SLA: variants seen among roughly 807,000 people sequenced by gnomAD.
SLA encodes the protein Src like adaptor.
A neutral mutation model predicts 30.3 loss-of-function variants in SLA; 16 were observed. That is an observed-to-expected ratio of 0.53 (90% CI 0.36 to 0.80). The LOEUF is 0.80. Ranked by LOEUF, SLA falls within the 30% of genes least tolerant of loss-of-function variation. The pLI, the probability that SLA is intolerant of heterozygous loss-of-function variation, is 0.01. For missense variants in SLA, 310 were observed against 345.2 expected (o/e 0.90, Z 0.81); for synonymous variants, 143 against 137.8 (o/e 1.04, Z -0.26).
intron 1 of SLA, among the ~76,000 whole-genome samples, chr8:133,081,658 C>G (rs898824444): frequency 6.6e-6 from 1 of 152,202 alleles, no homozygotes; most frequent in African/African-American, 2.4e-5. Context: ...TATGTTGATT[C>G]GTTCAAGCTG....
rs192475029 is a variant in SLA, at chr8:133,088,949, A to G, written c.-319+13604T>C. Among the ~76,000 whole-genome samples, 7 of 152,368 alleles carry G rather than the reference A, an allele frequency of 4.6e-5. No individual in the cohort carries two copies. In the East Asian group the frequency reaches 1.3e-3, roughly 29 times the overall value. On this transcript the variant is annotated intron_variant, in intron 1 of 8. Transcript: ENST00000338087. ...AAATATAAACTTGGATGTTTAAAAA[A>G]AGTCCATCTGTGCTTTAGCTTCCAG...
intron 7 of SLA, 40 bp downstream of exon 7, chr8:133,044,944 G>T (rs368065673): frequency 1.2e-6 from 2 of 1,609,844 alleles, no homozygotes; most frequent in Admixed American, 1.7e-5. Flanking sequence ...GCTAAGAGGG[G>T]TCCCACCATC....
chr8:133,094,353 A>G (rs773892174), intron 1 of SLA, among the ~76,000 whole-genome samples: 11 of 146,088 alleles, frequency 7.5e-5, no homozygotes, highest in East Asian at 2.0e-4. Flanking sequence ...CCATTCTCCT[A>G]CCTCAGCCTC....
chr8:133,077,341 T>A (rs1845047081), intron 1 of SLA, among the ~76,000 whole-genome samples: 2 of 152,106 alleles, frequency 1.3e-5, no homozygotes, highest in African/African-American at 4.8e-5. Context: ...AAAGGCAGGA[T>A]GCAGAGCCCT....
Position 133,038,455 on chromosome 8 carries a change from T to C in SLA, c.*69A>G, listed in dbSNP as rs1403419156. On this transcript the variant is annotated 3_prime_UTR_variant, in exon 9 of 9. Coordinates refer to ENST00000338087, the MANE Select transcript of SLA (RefSeq NM_001045556.3). Reference sequence around the variant, plus strand: ...CCCAGGGATCAGGGAACCTCGCTTTTCGCAAGATCCCAGGCAATAGTTGGA... The same window carrying C: ...CCCAGGGATCAGGGAACCTCGCTTTCCGCAAGATCCCAGGCAATAGTTGGA... The C allele has an allele frequency of 3.1e-6, 4 of 1,297,296 alleles. No homozygotes were observed. In the East Asian group the frequency reaches 9.2e-5, roughly 30 times the overall value. 80.4% of individuals were successfully genotyped at this position (1,297,296 alleles called of 1,614,324 possible).
intron 1 of SLA, among the ~76,000 whole-genome samples, chr8:133,076,981 A>T (rs1844985286): frequency 6.6e-6 from 1 of 152,136 alleles, no homozygotes; most frequent in Non-Finnish European, 1.5e-5. Context: ...TGAATATGTG[A>T]CTATCAATTA....
At chr8:133,090,076 A>T (rs528682723) in intron 1 of SLA, 1 of 152,372 alleles carries the variant, frequency 6.6e-6, no homozygotes, top group East Asian at 1.9e-4. Context: ...ATCCGCCTAA[A>T]TGGGGCTTGA....
intron 1 of SLA, chr8:133,096,385 G>C: frequency 6.2e-7 from 1 of 1,614,146 alleles, no homozygotes; most frequent in Non-Finnish European, 8.5e-7. Context: ...TAAGCAGGGA[G>C]GGGGCCTCGG....
At chr8:133,092,440 T>C (rs1847711743) in intron 1 of SLA, among the ~76,000 whole-genome samples, 1 of 152,250 alleles carries the variant, frequency 6.6e-6, no homozygotes, top group Non-Finnish European at 1.5e-5. Flanking sequence ...AGCCCAGGGC[T>C]GTGGACCTAC....
rs778353394 is a variant in SLA, at chr8:133,096,266, C to T, written c.-319+6287G>A. On this transcript the variant is annotated intron_variant, in intron 1 of 8. Transcript: ENST00000338087. Reference sequence around the variant, plus strand: ...TCCTGTGATCGATGGCCACTTCCTCCGTGAGCCTCCAGCCAGAGCACTGAA... The same window carrying T: ...TCCTGTGATCGATGGCCACTTCCTCTGTGAGCCTCCAGCCAGAGCACTGAA... 1.9e-5 allele frequency: 31 copies of T among 1,614,088 alleles called. No individual in the cohort carries two copies. The highest frequency in any genetic ancestry group is 3.3e-5 in the South Asian group (3 of 91,086).
chr8:133,085,487 A>G (rs943501902), intron 1 of SLA, among the ~76,000 whole-genome samples: 1 of 152,246 alleles, frequency 6.6e-6, no homozygotes, highest in Non-Finnish European at 1.5e-5. Flanking sequence ...GAAAACATAA[A>G]GAACACTTAC....
chr8:133,074,816 C>T, intron 2 of SLA, 37 bp downstream of exon 2: 1 of 982,320 alleles, frequency 1.0e-6, no homozygotes, highest in Non-Finnish European at 1.2e-6. Context: ...CCTGAAGTCT[C>T]TCCCCACCCC....
At position 133,073,313 on chromosome 8, in the gene SLA, T is replaced by A. The variant is rs571852425; in HGVS notation, c.-41+1540A>T. On this transcript the variant is annotated intron_variant, in intron 2 of 8. Transcript: ENST00000338087. ...TTGTCTATTCCATAGGTTTTTAATA[T>A]TATTATACTTTCAGAGCATATTAAG... 4 of 152,360 alleles carry A rather than the reference T, an allele frequency of 2.6e-5. No individual in the cohort carries two copies. The East Asian group carries it at 7.7e-4, about 29-fold the overall frequency. 9.4% of individuals were successfully genotyped at this position (152,360 alleles called of 1,614,324 possible).
rs557523372 is a variant in SLA, at chr8:133,075,013, T to A, written c.-201A>T. On this transcript the variant is annotated 5_prime_UTR_variant, in exon 2 of 9. Transcript: ENST00000338087. ...AGCAGCCCATGCTACACAGAAGAAC[T>A]GCAGTTGCTAAACTGGCCGCATACT... 2 of 985,442 alleles carry A rather than the reference T, an allele frequency of 2.0e-6. No homozygotes were observed. Among genetic ancestry groups the A allele is most frequent in the East Asian group, 1.1e-4 (1 of 8,814 alleles). The allele number at this position is 985,442 out of a possible 1,614,324, so 61.0% of individuals were successfully genotyped here.
rs1043962329 is a variant in SLA, at chr8:133,074,297, G to A, written c.-41+556C>T. ...TGCATACAATCACACTCCAAGTAGC[G>A]CTATTGCAATCCCTCAACCCACCTG... On this transcript the variant is annotated intron_variant, in intron 2 of 8. Coordinates refer to ENST00000338087, the MANE Select transcript of SLA (RefSeq NM_001045556.3). Among the ~76,000 whole-genome samples, 11 of 152,166 alleles carry A rather than the reference G, an allele frequency of 7.2e-5. No homozygotes were observed. In the East Asian group the frequency reaches 7.7e-4, roughly 11 times the overall value.
chr8:133,047,805 G>A, intron 6 of SLA, 25 bp downstream of exon 6: 2 of 1,284,722 alleles, frequency 1.6e-6, no homozygotes, highest in Non-Finnish European at 2.3e-6. Context: ...CCCGGATGGG[G>A]AAAGATGAGT....
chr8:133,059,084 G>A (rs879482027), intron 3 of SLA: 1 of 456,290 alleles, frequency 2.2e-6, no homozygotes, highest in Non-Finnish European at 4.4e-6. Context: ...CAGGAACCTG[G>A]CTCAGTCCAC....
At chr8:133,060,017 T>G in intron 3 of SLA, 83 bp downstream of exon 3, 1 of 1,412,580 alleles carries the variant, frequency 7.1e-7, no homozygotes, top group South Asian at 1.5e-5. Context: ...TTTAAGTAGT[T>G]ACCGGCATCC....
intron 2 of SLA, among the ~76,000 whole-genome samples, chr8:133,073,983 C>T (rs1844476888): frequency 6.6e-6 from 1 of 152,116 alleles, no homozygotes; most frequent in South Asian, 2.1e-4. Context: ...GTGGATATCA[C>T]CTCCTGACAC....
Sources: gnomAD v4.1 joint callset for allele counts (sites outside exome capture counted in the v4.1 genomes callset) on GRCh38, gnomAD v4.1.1 for gene constraint, MANE v1.5 for transcripts, NCBI Gene and HGNC (gene_info 2026-07-23, HGNC 2026-07-21) for gene names.